The following UNC5C variants were observed in gnomAD, a reference collection of about 807,000 sequenced individuals.
UNC5C encodes unc-5 netrin receptor C, also known as netrin receptor UNC5C.
Under a neutral mutation model 99.8 loss-of-function variants are expected in UNC5C, and 47 were observed. That is an observed-to-expected ratio of 0.47 (90% CI 0.37 to 0.60). UNC5C has a LOEUF of 0.60. Ranked by LOEUF, UNC5C falls within the 20% of genes least tolerant of loss-of-function variation. The pLI is 0.00. For synonymous variants in UNC5C, 487 were observed against 452.2 expected (o/e 1.08, Z -0.98); for missense variants, 1,062 against 1,165.9 (o/e 0.91, Z 1.30).
At chr4:95,249,891 T>C (rs2149381662) in intron 5 of UNC5C, among the ~76,000 whole-genome samples, 1 of 152,310 alleles carries the variant, frequency 6.6e-6, no homozygotes, top group African/African-American at 2.4e-5. Flanking sequence ...GAAGCTAAAA[T>C]TGCTCTAATG....
intron 1 of UNC5C, among the ~76,000 whole-genome samples, chr4:95,477,786 T>C (rs538585935): frequency 6.6e-6 from 1 of 152,124 alleles, no homozygotes; most frequent in South Asian, 2.1e-4. Context: ...CCTTTAGTTG[T>C]TGTCATACTT....
intron 1 of UNC5C, among the ~76,000 whole-genome samples, chr4:95,525,434 T>G (rs556847881): frequency 6.6e-6 from 1 of 152,130 alleles, no homozygotes; most frequent in Non-Finnish European, 1.5e-5. Context: ...TGCTGGTGTT[T>G]TTCATTCTAG....
At chr4:95,405,485 G>A (rs946831744) in intron 1 of UNC5C, among the ~76,000 whole-genome samples, 2 of 152,188 alleles carry the variant, frequency 1.3e-5, no homozygotes, top group African/African-American at 4.8e-5. Context: ...TCAGGGGGAT[G>A]ACCTGGGTGG....
At chr4:95,225,947 A>G (rs1413920828) in intron 7 of UNC5C, among the ~76,000 whole-genome samples, 2 of 152,222 alleles carry the variant, frequency 1.3e-5, no homozygotes, top group Non-Finnish European at 2.9e-5. Flanking sequence ...TCCATCCCCT[A>G]AATGAGGGGA....
chr4:95,379,210 C>T (rs377641823), intron 1 of UNC5C, among the ~76,000 whole-genome samples: 5 of 152,132 alleles, frequency 3.3e-5, no homozygotes, highest in Admixed American at 6.5e-5. Context: ...TAAGTCTTAA[C>T]GTACTTTACA....
At chr4:95,535,254 T>A (rs1187510654) in intron 1 of UNC5C, among the ~76,000 whole-genome samples, 2 of 146,294 alleles carry the variant, frequency 1.4e-5, no homozygotes, top group African/African-American at 5.2e-5. Context: ...CAAAAAATAA[T>A]GTGATTTTAA....
In UNC5C at chr4:95,166,666, T is replaced by C. The variant is rs886308676; in HGVS notation, c.*2568A>G. 6.6e-6 allele frequency: 1 copy of C among 152,230 alleles called. No individual in the cohort carries two copies. The highest frequency in any genetic ancestry group is 2.4e-5 in the African/African-American group (1 of 41,458). The allele number at this position is 152,230 out of a possible 1,614,324, so 9.4% of individuals were successfully genotyped here. A position where few individuals can be genotyped will look rare whatever the true frequency, so the allele number is the denominator to read the frequency against. On this transcript the variant is annotated 3_prime_UTR_variant, in exon 16 of 16. Transcript: ENST00000453304. The stretch of plus-strand genomic sequence containing the variant: ...TTTTCACTAGGCATAGAAGTTTCTT[T>C]GACCATTCAGTTCAGATTCTAGTTC...
chr4:95,439,468 T>C (rs1426503253), intron 1 of UNC5C, among the ~76,000 whole-genome samples: 2 of 152,074 alleles, frequency 1.3e-5, no homozygotes, highest in Non-Finnish European at 2.9e-5. Flanking sequence ...CCCTTTGTTA[T>C]TGGATATGGT....
intron 1 of UNC5C, among the ~76,000 whole-genome samples, chr4:95,499,574 C>T (rs1402348151): frequency 6.6e-6 from 1 of 152,052 alleles, no homozygotes; most frequent in Non-Finnish European, 1.5e-5. Flanking sequence ...AGACAGCTTT[C>T]AAATAATGGA....
intron 4 of UNC5C, among the ~76,000 whole-genome samples, chr4:95,255,995 T>C (rs1262421916): frequency 6.6e-6 from 1 of 152,130 alleles, no homozygotes; most frequent in Non-Finnish European, 1.5e-5. Context: ...AGTGCTCATC[T>C]TACTTGACTC....
At chr4:95,170,020 G>A in intron 15 of UNC5C, 134 bp downstream of exon 15, 1 of 1,143,030 alleles carries the variant, frequency 8.7e-7, no homozygotes, top group Non-Finnish European at 1.2e-6. Context: ...AGAGCTTAAT[G>A]CATATTTGCA....
chr4:95,544,152 T>C (rs1221104622), intron 1 of UNC5C, among the ~76,000 whole-genome samples: 1 of 152,198 alleles, frequency 6.6e-6, no homozygotes, highest in African/African-American at 2.4e-5. Flanking sequence ...CATTTTTACA[T>C]ATGAGGAAAC....
intron 12 of UNC5C, among the ~76,000 whole-genome samples, chr4:95,193,250 T>G (rs1276987851): frequency 6.6e-6 from 1 of 152,192 alleles, no homozygotes. Flanking sequence ...TGAGGGAAAG[T>G]CGCTGAGATC....
At chr4:95,171,215 T>C (rs1437261704) in intron 14 of UNC5C, among the ~76,000 whole-genome samples, 1 of 140,958 alleles carries the variant, frequency 7.1e-6, no homozygotes. Context: ...TCTCTCTCTA[T>C]TTTTTTTTTC....
intron 1 of UNC5C, among the ~76,000 whole-genome samples, chr4:95,358,198 A>C (rs991422585): frequency 2.0e-5 from 3 of 152,196 alleles, no homozygotes; most frequent in African/African-American, 7.2e-5. Context: ...AAAGCATCAC[A>C]ATCCTTATTA....
At position 95,407,522 on chromosome 4, in the gene UNC5C, C is replaced by G. The variant is rs1196503409; in HGVS notation, c.125-71891G>C. ...AGGGCAGGGGTCTCCAGAAGGATTG[C>G]ATCCAAAGAGAAACAGACAAATTAC... On this transcript the variant is annotated intron_variant, in intron 1 of 15. Coordinates refer to ENST00000453304, the MANE Select transcript of UNC5C (RefSeq NM_003728.4). Among the ~76,000 whole-genome samples the G allele has an allele frequency of 2.0e-5, 3 of 152,048 alleles. No homozygotes were observed. The South Asian group carries it at 6.2e-4, about 32-fold the overall frequency.
At chr4:95,190,541 C>T (rs1737039514) in intron 12 of UNC5C, among the ~76,000 whole-genome samples, 2 of 152,036 alleles carry the variant, frequency 1.3e-5, no homozygotes, top group African/African-American at 4.8e-5. Flanking sequence ...GCTCCTTGAA[C>T]TCTTGCACTC....
At chr4:95,216,395 T>C (rs1020141050) in intron 9 of UNC5C, among the ~76,000 whole-genome samples, 184 bp from the exon 10 acceptor site, 1 of 152,192 alleles carries the variant, frequency 6.6e-6, no homozygotes, top group East Asian at 1.9e-4. Context: ...TGAACTCTTA[T>C]GCAATTACTT....
chr4:95,408,480 C>A (rs976201582), intron 1 of UNC5C, among the ~76,000 whole-genome samples: 5 of 152,118 alleles, frequency 3.3e-5, no homozygotes, highest in African/African-American at 4.8e-5. Flanking sequence ...ACTATAGAAT[C>A]TTTTTGAATT....
Sources: gnomAD v4.1 joint callset for allele counts (sites outside exome capture counted in the v4.1 genomes callset) on GRCh38, gnomAD v4.1.1 for gene constraint, MANE v1.5 for transcripts, NCBI Gene and HGNC (gene_info 2026-07-23, HGNC 2026-07-21) for gene names.